The following UNC13C variants were observed in gnomAD, a reference collection of about 807,000 sequenced individuals.
UNC13C encodes unc-13 homolog C.
A neutral mutation model predicts 245.4 loss-of-function variants in UNC13C; 174 were observed. That is an observed-to-expected ratio of 0.71 (90% CI 0.63 to 0.80). The LOEUF is 0.80. Ranked by LOEUF, UNC13C falls within the 30% of genes least tolerant of loss-of-function variation. The pLI, the probability that UNC13C is intolerant of heterozygous loss-of-function variation, is 0.00. For synonymous variants in UNC13C, 992 were observed against 895.1 expected (o/e 1.11, Z -1.93); for missense variants, 2,829 against 2,602.9 (o/e 1.09, Z -1.89).
intron 4 of UNC13C, among the ~76,000 whole-genome samples, chr15:54,182,897 A>G (rs1178965946): frequency 6.6e-6 from 1 of 152,112 alleles, no homozygotes. Context: ...ATATGCAGCA[A>G]TAAAATAAAT....
Position 54,257,469 on chromosome 15 carries a change from G to A in UNC13C, c.3449-6699G>A, listed in dbSNP as rs571572084. Among the ~76,000 whole-genome samples the A allele has an allele frequency of 8.3e-4, 126 of 152,294 alleles. No individual in the cohort carries two copies. In the South Asian group the frequency reaches 0.026, roughly 32 times the overall value. On this transcript the variant is annotated intron_variant, in intron 8 of 32. Transcript: ENST00000260323. ...CTAAAAGTATGCATATACCAATAAT[G>A]AGATGATTGAATATGGTGGGGATGG... is the stretch of plus-strand genomic sequence containing the variant.
intron 1 of UNC13C, among the ~76,000 whole-genome samples, chr15:53,999,603 C>G (rs1014233499): frequency 1.3e-5 from 2 of 151,794 alleles, no homozygotes; most frequent in African/African-American, 4.8e-5. Context: ...ATTCCACTTG[C>G]TATGTATTTA....
intron 1 of UNC13C, among the ~76,000 whole-genome samples, chr15:54,000,963 A>AG (rs1196464735): frequency 2.6e-5 from 4 of 152,250 alleles, no homozygotes; most frequent in Non-Finnish European, 5.9e-5. Context: ...ATACAAAAAA[A>AG]TTTTTTTAGT....
intron 19 of UNC13C, among the ~76,000 whole-genome samples, chr15:54,492,055 A>G (rs1303106680): frequency 1.3e-5 from 2 of 151,422 alleles, no homozygotes; most frequent in Non-Finnish European, 2.9e-5. Context: ...TTTGCTTTTC[A>G]GCCTTTACTT....
intron 17 of UNC13C, among the ~76,000 whole-genome samples, chr15:54,359,355 C>T (rs965251664): frequency 2.0e-5 from 3 of 151,796 alleles, no homozygotes; most frequent in Admixed American, 2.0e-4. Flanking sequence ...GAAAGTATTC[C>T]CACCTCTTCA....
At chr15:54,454,794 T>TTTTA (rs934562521) in intron 19 of UNC13C, among the ~76,000 whole-genome samples, 111 of 110,974 alleles carry the variant, frequency 1.0e-3, no homozygotes, top group African/African-American at 2.7e-3. Context: ...CTTTTTTAAA[T>TTTTA]TTTATTTATT....
At chr15:53,859,582 A>G in the UNC13C span, among the ~76,000 whole-genome samples, 2 of 152,240 alleles carry the variant, frequency 1.3e-5, no homozygotes. Flanking sequence ...TTGTAATCTT[A>G]TACTGAAGGA....
At chr15:54,111,025 A>C (rs537154896) in intron 2 of UNC13C, among the ~76,000 whole-genome samples, 1 of 152,364 alleles carries the variant, frequency 6.6e-6, no homozygotes, top group Non-Finnish European at 1.5e-5. Context: ...TCCAACTGTT[A>C]GAGCAGGGCA....
intron 7 of UNC13C, among the ~76,000 whole-genome samples, chr15:54,247,797 A>T: frequency 1.3e-5 from 2 of 150,486 alleles, no homozygotes; most frequent in Non-Finnish European, 1.5e-5. Flanking sequence ...AATTAGCTTT[A>T]CTCTCCCTTT....
intron 2 of UNC13C, among the ~76,000 whole-genome samples, chr15:54,114,052 T>G (rs535007799): frequency 6.6e-5 from 10 of 152,260 alleles, no homozygotes; most frequent in African/African-American, 2.2e-4. Context: ...GCCTCACCAG[T>G]GTGCACTCAC....
intron 14 of UNC13C, among the ~76,000 whole-genome samples, chr15:54,324,557 G>T (rs920544859): frequency 6.6e-6 from 1 of 151,944 alleles, no homozygotes. Context: ...TAGGAAAATG[G>T]CTAGACCAAT....
At chr15:54,355,989 T>C (rs1031269317) in intron 17 of UNC13C, among the ~76,000 whole-genome samples, 3 of 152,224 alleles carry the variant, frequency 2.0e-5, no homozygotes, top group African/African-American at 4.8e-5. Context: ...TAGCATATTA[T>C]ACATACTCTA....
rs186756290 is a variant in UNC13C, at chr15:54,507,471, A to C, written c.5379+277A>C. Among the ~76,000 whole-genome samples, 782 of 152,220 alleles carry C rather than the reference A, an allele frequency of 5.1e-3. 1 individual carries two copies. Among genetic ancestry groups the C allele is most frequent in the Middle Eastern group, 0.01 (3 of 294 alleles). ...AATCATTGAAAATAAACATACTCAT[A>C]AAATACTGGAGCTGAGAAAAACAAG... is the stretch of plus-strand genomic sequence containing the variant. On this transcript the variant is annotated intron_variant, in intron 23 of 32. Transcript: ENST00000260323.
At chr15:53,977,626 A>G (rs1041518730), upstream of UNC13C, among the ~76,000 whole-genome samples, 1 of 152,198 alleles carries the variant, frequency 6.6e-6, no homozygotes, top group Non-Finnish European at 1.5e-5. Flanking sequence ...TTCAGGCCTC[A>G]AGCTGCTTTA....
rs192803313 is a variant in UNC13C at position 54,032,391 on chromosome 15, A to G, written c.2983+16505A>G. Among the ~76,000 whole-genome samples the G allele has an allele frequency of 1.8e-3, 278 of 152,316 alleles. 2 individuals carry two copies. Among genetic ancestry groups the G allele is most frequent in the African/African-American group, 3.5e-3 (145 of 41,570 alleles). ...GACAGGCCTAACAGCCCAGTCATCA[A>G]ATAAACTTTTCCCACCTTCCTGGGT... On this transcript the variant is annotated intron_variant, in intron 2 of 32. Coordinates refer to ENST00000260323, the MANE Select transcript of UNC13C (RefSeq NM_001080534.3).
chr15:54,524,258 A>G (rs1030192676), intron 24 of UNC13C, among the ~76,000 whole-genome samples: 2 of 150,692 alleles, frequency 1.3e-5, no homozygotes, highest in African/African-American at 2.5e-5. Context: ...TCACTCTTAT[A>G]GAAGTCTCTA....
intron 2 of UNC13C, among the ~76,000 whole-genome samples, chr15:54,047,828 T>A (rs1897105196): frequency 2.0e-5 from 3 of 152,296 alleles, no homozygotes; most frequent in Non-Finnish European, 4.4e-5. Flanking sequence ...AATAATAACA[T>A]ACATTTTTAA....
the UNC13C span, among the ~76,000 whole-genome samples, chr15:53,917,385 G>A: frequency 1.3e-5 from 2 of 152,066 alleles, no homozygotes; most frequent in East Asian, 3.9e-4. Flanking sequence ...GAAAGAACTA[G>A]GCTCCCGAAA....
At chr15:54,276,397 A>G (rs901399182) in intron 10 of UNC13C, among the ~76,000 whole-genome samples, 18 of 152,096 alleles carry the variant, frequency 1.2e-4, no homozygotes, top group African/African-American at 4.3e-4. Flanking sequence ...ACACCCCACA[A>G]ATTCAAGATG....
Sources: gnomAD v4.1 joint callset for allele counts (sites outside exome capture counted in the v4.1 genomes callset) on GRCh38, gnomAD v4.1.1 for gene constraint, MANE v1.5 for transcripts, NCBI Gene and HGNC (gene_info 2026-07-23, HGNC 2026-07-21) for gene names.